The following IL1RAPL2 variants were observed in gnomAD, a reference collection of about 807,000 sequenced individuals.
IL1RAPL2 encodes interleukin 1 receptor accessory protein like 2.
Under a neutral mutation model 44.1 loss-of-function variants are expected in IL1RAPL2, and 3 were observed. The ratio of observed to expected loss-of-function variants is 0.07; its 90% confidence interval spans 0.03 to 0.18. The LOEUF is 0.18. Among genes scored for constraint, IL1RAPL2 ranks in the 10% least tolerant of loss-of-function variants. The pLI, the probability that IL1RAPL2 is intolerant of heterozygous loss-of-function variation, is 1.00. For synonymous variants in IL1RAPL2, 181 were observed against 178.8 expected, an observed-to-expected ratio of 1.01 and a Z score of -0.10; for missense variants, 391 against 496.4, an observed-to-expected ratio of 0.79 and a Z score of 2.02.
At chrX:105,075,439 T>A (rs1352296566) in intron 2 of IL1RAPL2, among the ~76,000 whole-genome samples, 2 of 111,403 alleles carry the variant, frequency 1.8e-5, no homozygotes, top group South Asian at 3.8e-4. Context: ...CTGGATTCGG[T>A]TTGCCAGTAT....
At chrX:105,060,395 G>C (rs1252229924) in intron 2 of IL1RAPL2, among the ~76,000 whole-genome samples, 1 of 111,506 alleles carries the variant, frequency 9.0e-6, no homozygotes, top group Non-Finnish European at 1.9e-5. Flanking sequence ...TTGATATGAT[G>C]TATCTCATTA....
intron 5 of IL1RAPL2, among the ~76,000 whole-genome samples, chrX:105,362,165 C>A (rs1197881299): frequency 8.9e-6 from 1 of 111,851 alleles, no homozygotes; most frequent in Non-Finnish European, 1.9e-5. Flanking sequence ...AACACATATA[C>A]TTGTCTTCTT....
chrX:105,414,191 G>A (rs1239505487), intron 5 of IL1RAPL2, among the ~76,000 whole-genome samples: 3 of 110,398 alleles, frequency 2.7e-5, no homozygotes, highest in South Asian at 3.9e-4. Context: ...GCAGTGGCGC[G>A]ATCTCGGCTC....
At chrX:105,145,834 C>G (rs762309016) in intron 2 of IL1RAPL2, among the ~76,000 whole-genome samples, 7 of 111,624 alleles carry the variant, frequency 6.3e-5, no homozygotes, top group Non-Finnish European at 1.1e-4. Context: ...TTCTACCCTG[C>G]TATGGTTTGA....
At chrX:104,639,480 G>A (rs1929891542) in intron 1 of IL1RAPL2, among the ~76,000 whole-genome samples, 1 of 111,574 alleles carries the variant, frequency 9.0e-6, no homozygotes. Flanking sequence ...TTGTTTTCAG[G>A]TTGTTTTATA....
chrX:104,924,261 G>A (rs992329801), intron 2 of IL1RAPL2, among the ~76,000 whole-genome samples: 1 of 111,640 alleles, frequency 9.0e-6, no homozygotes, highest in Non-Finnish European at 1.9e-5. Context: ...CATCAAGGTA[G>A]TTGGTTTTCT....
chrX:104,625,705 G>C (rs1929491275), intron 1 of IL1RAPL2, among the ~76,000 whole-genome samples: 1 of 111,213 alleles, frequency 9.0e-6, no homozygotes, highest in African/African-American at 3.3e-5. Flanking sequence ...TCATAGAGGG[G>C]TGGACCAGTA....
At position 105,109,892 on chromosome X, in the gene IL1RAPL2, C is replaced by T. The variant is rs139762517; in HGVS notation, c.83-85583C>T. Among the ~76,000 whole-genome samples, 295 of 112,206 alleles carry T rather than the reference C, an allele frequency of 2.6e-3. 2 individuals are homozygous for T. The highest frequency in any genetic ancestry group is 9.0e-3 in the African/African-American group (278 of 30,902). On this transcript the variant is annotated intron_variant, in intron 2 of 10. Transcript: ENST00000372582. Reference sequence around the variant, plus strand: ...AACAAGAAATAGTAAAGCTTCATCTCGTGAATTGCACACACTTATTTCATG... The same window carrying T: ...AACAAGAAATAGTAAAGCTTCATCTTGTGAATTGCACACACTTATTTCATG...
chrX:105,081,527 A>G (rs983438100), intron 2 of IL1RAPL2, among the ~76,000 whole-genome samples: 4 of 111,595 alleles, frequency 3.6e-5, no homozygotes, highest in Non-Finnish European at 7.5e-5. Flanking sequence ...CTATTGAATA[A>G]TTCAAGAATT....
intron 2 of IL1RAPL2, among the ~76,000 whole-genome samples, chrX:104,959,122 C>CT (rs567849176): frequency 1.7e-4 from 18 of 107,402 alleles, no homozygotes; most frequent in South Asian, 8.3e-4. Context: ...GAAGAATCAT[C>CT]TTTTTTTTTT....
chrX:105,418,463 G>A lies in IL1RAPL2; in HGVS notation c.698-65850G>A, dbSNP rs972523421. Among the ~76,000 whole-genome samples, 3 of 110,747 alleles carry A rather than the reference G, an allele frequency of 2.7e-5. No homozygotes were observed. The Admixed American group carries it at 2.9e-4, about 11-fold the overall frequency. ...ACCGTTGCCTGTTATGACAGATTCCGTGAGCATCCAGCACAGATGTATGTA... is the reference window on the plus strand; with the variant it reads ...ACCGTTGCCTGTTATGACAGATTCCATGAGCATCCAGCACAGATGTATGTA... On this transcript the variant is annotated intron_variant, in intron 5 of 10. Transcript: ENST00000372582.
chrX:105,449,782 G>A (rs2040565491), intron 5 of IL1RAPL2, among the ~76,000 whole-genome samples: 1 of 111,277 alleles, frequency 9.0e-6, no homozygotes, highest in South Asian at 3.7e-4. Context: ...AGTATTCTCT[G>A]GATTACTGGG....
intron 1 of IL1RAPL2, among the ~76,000 whole-genome samples, chrX:104,596,965 C>T (rs906832302): frequency 9.0e-6 from 1 of 110,911 alleles, no homozygotes; most frequent in Non-Finnish European, 1.9e-5. Context: ...AGAGGGCCTT[C>T]AGACTTCATG....
At position 105,002,405 on chromosome X, in the gene IL1RAPL2, G is replaced by A. The variant is rs773407172; in HGVS notation, c.83-193070G>A. Among the ~76,000 whole-genome samples the A allele has an allele frequency of 5.4e-5, 6 of 111,391 alleles. No individual in the cohort carries two copies. The South Asian group carries it at 2.2e-3, about 41-fold the overall frequency. Reference sequence around the variant, plus strand: ...CATTTCATAATTTTGGTTTTTGAATGATAGGTAGAAATGAACTCCACCTAA... The same window carrying A: ...CATTTCATAATTTTGGTTTTTGAATAATAGGTAGAAATGAACTCCACCTAA... On this transcript the variant is annotated intron_variant, in intron 2 of 10. Transcript: ENST00000372582.
At chrX:105,223,960 T>C (rs1414490423) in intron 3 of IL1RAPL2, among the ~76,000 whole-genome samples, 5 of 111,258 alleles carry the variant, frequency 4.5e-5, no homozygotes, top group African/African-American at 1.6e-4. Context: ...TGAATTATAG[T>C]TGAATGGCTG....
At chrX:105,546,110 C>A (rs2036795719) in intron 6 of IL1RAPL2, among the ~76,000 whole-genome samples, 1 of 111,291 alleles carries the variant, frequency 9.0e-6, no homozygotes, top group African/African-American at 3.3e-5. Flanking sequence ...TTCCAGTTCT[C>A]ACGGCCTTCC....
At chrX:104,955,796 A>G (rs959611443) in intron 2 of IL1RAPL2, among the ~76,000 whole-genome samples, 1 of 111,126 alleles carries the variant, frequency 9.0e-6, no homozygotes, top group Admixed American at 9.7e-5. Context: ...AACCGCTTCT[A>G]TAGCTCATCC....
At chrX:104,846,889 C>A (rs1382038285) in intron 2 of IL1RAPL2, among the ~76,000 whole-genome samples, 3 of 111,908 alleles carry the variant, frequency 2.7e-5, no homozygotes, top group African/African-American at 9.8e-5. Context: ...AGTCGCCATT[C>A]TAACTGGTGT....
intron 6 of IL1RAPL2, among the ~76,000 whole-genome samples, chrX:105,571,928 G>T (rs2037017038): frequency 9.1e-6 from 1 of 110,403 alleles, no homozygotes. Context: ...ACCCTGCTTT[G>T]CCTCTAATTT....
Sources: gnomAD v4.1 joint callset for allele counts (sites outside exome capture counted in the v4.1 genomes callset) on GRCh38, gnomAD v4.1.1 for gene constraint, MANE v1.5 for transcripts, NCBI Gene and HGNC (gene_info 2026-07-23, HGNC 2026-07-21) for gene names.